PKN2: variants seen among roughly 807,000 people sequenced by gnomAD.
The protein encoded by PKN2 is protein kinase N2.
In PKN2, 38 loss-of-function variants were observed where a neutral mutation model predicts 119.1. That is an observed-to-expected ratio of 0.32 (90% CI 0.25 to 0.42). The LOEUF (loss-of-function observed/expected upper bound fraction) is 0.42. Ranked by LOEUF, PKN2 falls within the 10% of genes least tolerant of loss-of-function variation. The pLI is 1.00. For missense variants in PKN2, 850 were observed against 1,165.1 expected, an observed-to-expected ratio of 0.73 and a Z score of 3.94; for synonymous variants, 390 against 384.9, an observed-to-expected ratio of 1.01 and a Z score of -0.15.
At chr1:88,727,175 C>T (rs575790698) in intron 1 of PKN2, among the ~76,000 whole-genome samples, 2 of 137,704 alleles carry the variant, frequency 1.5e-5, no homozygotes, top group Non-Finnish European at 3.2e-5. Flanking sequence ...TAATGACGCT[C>T]TTTTTTTTTT....
chr1:88,700,088 C>T (rs563870314), intron 1 of PKN2, among the ~76,000 whole-genome samples: 3 of 152,114 alleles, frequency 2.0e-5, no homozygotes, highest in African/African-American at 7.2e-5. Flanking sequence ...TGGCTAATCT[C>T]ATTCCTTTTC....
intron 7 of PKN2, among the ~76,000 whole-genome samples, chr1:88,785,641 TG>T (rs1301045585): frequency 6.6e-6 from 1 of 152,036 alleles, no homozygotes; most frequent in East Asian, 1.9e-4. Context: ...GATGTATAAC[TG>T]GGGGGAAAAG....
At chr1:88,814,600 C>A (rs1294712396) in intron 16 of PKN2, among the ~76,000 whole-genome samples, 2 of 152,082 alleles carry the variant, frequency 1.3e-5, no homozygotes, top group African/African-American at 2.4e-5. Flanking sequence ...CTGATTTTTT[C>A]CATTTTTCTA....
At chr1:88,704,014 T>G (rs975497481) in intron 1 of PKN2, among the ~76,000 whole-genome samples, 1 of 152,164 alleles carries the variant, frequency 6.6e-6, no homozygotes, top group African/African-American at 2.4e-5. Flanking sequence ...TACAGTAAAT[T>G]TCACACATTT....
At chr1:88,760,050 T>G (rs1470968132) in intron 2 of PKN2, among the ~76,000 whole-genome samples, 172 bp from the exon 3 acceptor site, 2 of 152,034 alleles carry the variant, frequency 1.3e-5, no homozygotes, top group East Asian at 3.8e-4. Context: ...ATACGTGTTT[T>G]TTTTTTTTTT....
At chr1:88,823,865 C>T (rs953410520) in intron 17 of PKN2, among the ~76,000 whole-genome samples, 3 of 151,404 alleles carry the variant, frequency 2.0e-5, no homozygotes, top group East Asian at 1.9e-4. Context: ...AAAAGTTAGC[C>T]GGGTGTAGTG....
chr1:88,784,904 C>A, intron 7 of PKN2, 80 bp downstream of exon 7: 2 of 680,972 alleles, frequency 2.9e-6, no homozygotes, highest in Non-Finnish European at 4.5e-6. Flanking sequence ...TCAAGTTGGA[C>A]AAAACACTTT....
chr1:88,794,398 C>T (rs1314207941), intron 8 of PKN2, among the ~76,000 whole-genome samples: 1 of 151,674 alleles, frequency 6.6e-6, no homozygotes, highest in Non-Finnish European at 1.5e-5. Flanking sequence ...AATATGCCAG[C>T]CTTTCACCAG....
chr1:88,771,508 A>G lies in PKN2; in HGVS notation c.710A>G (p.Lys237Arg), dbSNP rs1255986406. The G allele has an allele frequency of 6.2e-7, 1 of 1,608,848 alleles. No homozygotes were observed. Among genetic ancestry groups the G allele is most frequent in the East Asian group, 2.2e-5 (1 of 44,650 alleles). The stretch of plus-strand genomic sequence containing the variant: ...GAGTTTGCAGTAGCAGAAGGTGCAA[A>G]GAATGTAATGAAATTACTTGGCTCA... ...RIEFAVAEGA[K>R]NVMKLLGSGK... is the part of the protein sequence containing the mutation. The change falls in exon 5 of 22, where the codon AAG (lysine) becomes AGG (arginine). Residue 237 changes from lysine to arginine, a missense_variant. Coordinates refer to ENST00000370521, the MANE Select transcript of PKN2 (RefSeq NM_006256.4).
At chr1:88,755,577 T>A (rs1185965343) in intron 2 of PKN2, among the ~76,000 whole-genome samples, 1 of 152,212 alleles carries the variant, frequency 6.6e-6, no homozygotes, top group African/African-American at 2.4e-5. Flanking sequence ...TACTGGCTAC[T>A]TAGCTGAGCC....
chr1:88,729,820 T>C (rs1240655888), intron 1 of PKN2, among the ~76,000 whole-genome samples: 1 of 150,454 alleles, frequency 6.6e-6, no homozygotes, highest in African/African-American at 2.5e-5. Context: ...CCTGCCTCCC[T>C]TGAAATCTAT....
chr1:88,763,926 G>T (rs369916777), intron 3 of PKN2, among the ~76,000 whole-genome samples: 22 of 152,120 alleles, frequency 1.4e-4, no homozygotes, highest in Non-Finnish European at 2.8e-4. Flanking sequence ...GATTAATTCA[G>T]TTTGGCAGTA....
At chr1:88,817,663 C>T (rs113443071) in intron 16 of PKN2, among the ~76,000 whole-genome samples, 2,613 of 150,722 alleles carry the variant, frequency 0.017, 31 homozygotes, top group Non-Finnish European at 0.027. Context: ...AAGCCGAGAT[C>T]GCGCCACAGC....
rs939745824 is a variant in PKN2 at position 88,774,937 on chromosome 1, G to A, written c.985+3058G>A. 3.9e-5 allele frequency among the ~76,000 whole-genome samples: 6 copies of A among 152,192 alleles called. No individual in the cohort carries two copies. In the East Asian group the frequency reaches 5.8e-4, roughly 15 times the overall value. The stretch of plus-strand genomic sequence containing the variant: ...TTGCTCAGGCTTGTCTCAAACTCCC[G>A]GCCTCAAGTCATCTTCCCACCTCAG... On this transcript the variant is annotated intron_variant, in intron 6 of 21. Transcript: ENST00000370521.
intron 18 of PKN2, among the ~76,000 whole-genome samples, chr1:88,828,265 T>C (rs899933857): frequency 6.6e-5 from 10 of 152,246 alleles, no homozygotes; most frequent in Non-Finnish European, 1.5e-4. Flanking sequence ...GGATATCTTA[T>C]TTCTATTTAC....
At chr1:88,770,294 G>A in intron 3 of PKN2, 58 bp from the exon 4 acceptor site, 4 of 985,416 alleles carry the variant, frequency 4.1e-6, no homozygotes, top group East Asian at 4.9e-5. Context: ...TAGAAGATAG[G>A]AAAATGTTTC....
intron 15 of PKN2, among the ~76,000 whole-genome samples, chr1:88,812,662 G>A (rs1570669445): frequency 6.6e-6 from 1 of 152,128 alleles, no homozygotes; most frequent in African/African-American, 2.4e-5. Flanking sequence ...CTTGAGCCTA[G>A]GAGTTCAAGG....
chr1:88,702,777 T>G (rs1666823001), intron 1 of PKN2, among the ~76,000 whole-genome samples: 1 of 152,108 alleles, frequency 6.6e-6, no homozygotes, highest in Non-Finnish European at 1.5e-5. Context: ...TATTCTAGTT[T>G]CAGTTGAAAA....
In PKN2 at chr1:88,741,007, C is replaced by T. The variant is rs375306359; in HGVS notation, c.68C>T (p.Pro23Leu). 4.4e-5 allele frequency: 69 copies of T among 1,568,034 alleles called. No individual in the cohort carries two copies. The African/African-American group carries it at 5.7e-4, about 13-fold the overall frequency. Residue 23 changes from proline (P) to leucine (L), a missense_variant, in exon 2 of 22, where the codon CCG (proline) becomes CTG (leucine). Coordinates refer to ENST00000370521, the MANE Select transcript of PKN2 (RefSeq NM_006256.4). ...TELQGDSRSL[P>L]FSENVSAVQK... ...CTGTAGGGGGATTCCCGAAGTCTTC[C>T]GTTTTCTGAGAATGTGAGTGCTGTT...
Sources: gnomAD v4.1 joint callset for allele counts (sites outside exome capture counted in the v4.1 genomes callset) on GRCh38, gnomAD v4.1.1 for gene constraint, MANE v1.5 for transcripts, NCBI Gene and HGNC (gene_info 2026-07-23, HGNC 2026-07-21) for gene names.